The following ACKR2 variants were observed in gnomAD, a reference collection of about 807,000 sequenced individuals.
ACKR2 encodes the protein C-C chemokine receptor D6.
For synonymous variants in ACKR2, 207 were observed against 192.2 expected (o/e 1.08, Z -0.64); for missense variants, 457 against 477.3 (o/e 0.96, Z 0.40).
Position 42,821,062 on chromosome 3 carries a change from T to G in ACKR2, c.-38+1351T>G, listed in dbSNP as rs139239775. Among the ~76,000 whole-genome samples the G allele has an allele frequency of 5.9e-5, 9 of 152,148 alleles. No individual in the cohort carries two copies. The East Asian group carries it at 1.7e-3, about 29-fold the overall frequency. On this transcript the variant is annotated intron_variant, in intron 2 of 2. Coordinates refer to ENST00000422265, the MANE Select transcript of ACKR2 (RefSeq NM_001296.5). ...ACCATGCCCGGCTAATTTTTTAAATTTTTAGTAGAGACGAGGTTTCACTAT... is the reference window on the plus strand; with the variant it reads ...ACCATGCCCGGCTAATTTTTTAAATGTTTAGTAGAGACGAGGTTTCACTAT...
At chr3:42,853,591 T>C (rs1406136884) in intron 2 of ACKR2, among the ~76,000 whole-genome samples, 1 of 152,154 alleles carries the variant, frequency 6.6e-6, no homozygotes, top group East Asian at 1.9e-4. Context: ...TTGAGTGGTA[T>C]TGTAACCTAG....
intron 1 of ACKR2, among the ~76,000 whole-genome samples, chr3:42,814,216 A>C (rs1032922436): frequency 2.6e-5 from 4 of 152,264 alleles, no homozygotes; most frequent in African/African-American, 9.6e-5. Context: ...TTCATAATAC[A>C]GACATTATAA....
At chr3:42,831,026 C>G (rs1700926508) in intron 2 of ACKR2, among the ~76,000 whole-genome samples, 1 of 149,640 alleles carries the variant, frequency 6.7e-6, no homozygotes, top group South Asian at 2.1e-4. Flanking sequence ...AATTAAACTT[C>G]AGGCAAAAAA....
At chr3:42,835,380 C>G (rs1189918123) in intron 2 of ACKR2, 1 of 151,848 alleles carries the variant, frequency 6.6e-6, no homozygotes, top group African/African-American at 2.4e-5. Flanking sequence ...GTTAACAGAG[C>G]TTTAGAGTCC....
intron 2 of ACKR2, among the ~76,000 whole-genome samples, chr3:42,842,789 C>T (rs771189473): frequency 3.3e-5 from 5 of 151,924 alleles, no homozygotes; most frequent in African/African-American, 4.8e-5. Context: ...TTGAGACCAG[C>T]TTGGCCAACA....
intron 2 of ACKR2, among the ~76,000 whole-genome samples, chr3:42,858,514 T>G (rs532679162): frequency 1.3e-5 from 2 of 152,110 alleles, no homozygotes; most frequent in Non-Finnish European, 2.9e-5. Flanking sequence ...AAACCCCATC[T>G]GAAGGCCACC....
chr3:42,813,076 T>G (rs1385765231), intron 1 of ACKR2, among the ~76,000 whole-genome samples: 2 of 152,322 alleles, frequency 1.3e-5, no homozygotes, highest in South Asian at 2.1e-4. Flanking sequence ...GTTAATGTTA[T>G]TGAATTTGAT....
At chr3:42,817,793 A>G (rs1231233623) in intron 1 of ACKR2, among the ~76,000 whole-genome samples, 1 of 152,172 alleles carries the variant, frequency 6.6e-6, no homozygotes, top group Non-Finnish European at 1.5e-5. Context: ...ACATAATTCA[A>G]TGGACATATT....
chr3:42,859,928 A>G lies in ACKR2; in HGVS notation c.-37-4538A>G, dbSNP rs562031626. The stretch of plus-strand genomic sequence containing the variant: ...TTGACACTATGAAGAAACTGCATCA[A>G]CTAATGGGAAAAATAACCAGCTAGC... On this transcript the variant is annotated intron_variant, in intron 2 of 2. Transcript: ENST00000422265. 2.6e-5 allele frequency among the ~76,000 whole-genome samples: 4 copies of G among 152,166 alleles called. No homozygotes were observed. In the East Asian group the frequency reaches 5.8e-4, roughly 22 times the overall value.
At chr3:42,860,910 G>A (rs922309901) in intron 2 of ACKR2, among the ~76,000 whole-genome samples, 12 of 152,084 alleles carry the variant, frequency 7.9e-5, no homozygotes, top group African/African-American at 2.7e-4. Flanking sequence ...GGAGAAAGCA[G>A]GAAAGATTTA....
chr3:42,828,092 AT>A (rs71072742), intron 2 of ACKR2, among the ~76,000 whole-genome samples: 88 of 121,898 alleles, frequency 7.2e-4, no homozygotes, highest in African/African-American at 2.2e-3. Context: ...ATATATATAT[AT>A]TTTTTTTTTT....
intron 2 of ACKR2, among the ~76,000 whole-genome samples, chr3:42,836,125 T>C (rs1700985821): frequency 6.6e-6 from 1 of 152,094 alleles, no homozygotes; most frequent in African/African-American, 2.4e-5. Context: ...ATATCTAAAC[T>C]GAGAGTAATT....
At chr3:42,822,919 C>T (rs1700824109) in intron 2 of ACKR2, among the ~76,000 whole-genome samples, 1 of 152,010 alleles carries the variant, frequency 6.6e-6, no homozygotes, top group Non-Finnish European at 1.5e-5. Context: ...TTGCTGTATC[C>T]ACCAGATCTC....
chr3:42,854,153 G>C (rs546334841), intron 2 of ACKR2, among the ~76,000 whole-genome samples: 1 of 152,194 alleles, frequency 6.6e-6, no homozygotes, highest in Non-Finnish European at 1.5e-5. Context: ...GTCAAGCTCT[G>C]TGGGGGCCTG....
chr3:42,833,839 C>G (rs936630822), intron 2 of ACKR2, among the ~76,000 whole-genome samples: 7 of 151,984 alleles, frequency 4.6e-5, no homozygotes, highest in African/African-American at 1.7e-4. Flanking sequence ...TTTAGAAACC[C>G]AGATTTTCAA....
At chr3:42,829,235 A>G (rs751519047) in intron 2 of ACKR2, among the ~76,000 whole-genome samples, 1 of 152,212 alleles carries the variant, frequency 6.6e-6, no homozygotes, top group South Asian at 2.1e-4. Context: ...TGGTAGAGGC[A>G]TGGCACAGGA....
At position 42,865,024 on chromosome 3, in the gene ACKR2, C is replaced by T. The variant is rs2088421285; in HGVS notation, c.522C>T (p.Ala174=). Residue 174 remains alanine, a synonymous_variant, in exon 3 of 3, where the codon GCC becomes GCT. Coordinates refer to ENST00000422265, the MANE Select transcript of ACKR2 (RefSeq NM_001296.5). The part of the protein sequence containing the change: ...LATIVWAVSL[A]VSIPDMVFVQ... ...CCATAGTATGGGCTGTGTCCCTGGC[C>T]GTCTCCATCCCTGATATGGTCTTTG... 3.7e-6 allele frequency: 6 copies of T among 1,614,042 alleles called. No homozygotes were observed. Among genetic ancestry groups the T allele is most frequent in the Admixed American group, 3.3e-5 (2 of 60,006 alleles).
At chr3:42,814,403 C>T (rs983582162) in intron 1 of ACKR2, among the ~76,000 whole-genome samples, 1 of 152,144 alleles carries the variant, frequency 6.6e-6, no homozygotes, top group African/African-American at 2.4e-5. Flanking sequence ...TGCTATTTTC[C>T]CCTCTTCAGA....
chr3:42,831,875 CTAG>C (rs1440708839), intron 2 of ACKR2, among the ~76,000 whole-genome samples: 1 of 152,128 alleles, frequency 6.6e-6, no homozygotes, highest in Non-Finnish European at 1.5e-5. Context: ...AATGCAATTA[CTAG>C]TAGGTGAAAG....
Sources: allele counts gnomAD v4.1 joint callset (sites outside exome capture counted in the v4.1 genomes callset), GRCh38; gene constraint gnomAD v4.1.1; transcripts MANE v1.5; gene names NCBI Gene and HGNC (gene_info 2026-07-23, HGNC 2026-07-21).